The following ATP6V0A1 variants were observed in gnomAD, a reference collection of about 807,000 sequenced individuals.
ATP6V0A1 encodes the protein ATPase H+ transporting V0 subunit a1.
ATP6V0A1 carries 43 observed loss-of-function variants against 105.4 expected under a neutral mutation model. That is an observed-to-expected ratio of 0.41 (90% CI 0.32 to 0.53). The LOEUF (loss-of-function observed/expected upper bound fraction) is 0.53. Ranked by LOEUF, ATP6V0A1 falls within the 20% of genes least tolerant of loss-of-function variation. The pLI, the probability that ATP6V0A1 is intolerant of heterozygous loss-of-function variation, is 0.30. For missense variants in ATP6V0A1, 676 were observed against 1,051.1 expected, an observed-to-expected ratio of 0.64 and a Z score of 4.93; for synonymous variants, 362 against 372.8, an observed-to-expected ratio of 0.97 and a Z score of 0.33.
intron 20 of ATP6V0A1, 45 bp downstream of exon 20, chr17:42,514,023 G>C: frequency 3.8e-6 from 6 of 1,569,990 alleles, no homozygotes; most frequent in Non-Finnish European, 5.3e-6. Context: ...TTCCCCCTCT[G>C]TGGGCGCACT....
At position 42,514,393 on chromosome 17, in the gene ATP6V0A1, C is replaced by T. The variant is rs1202501707; in HGVS notation, c.2353C>T (p.Leu785=). Residue 785 remains leucine (L), a synonymous_variant, in exon 21 of 22, where the codon CTG becomes TTG. Coordinates refer to ENST00000343619, the MANE Select transcript of ATP6V0A1 (RefSeq NM_001130021.3). ...CTTCTTCTTCACTGCCTTTGCCACCCTGACCGTGGCCATCCTCCTGATCAT... is the reference window on the plus strand; with the variant it reads ...CTTCTTCTTCACTGCCTTTGCCACCTTGACCGTGGCCATCCTCCTGATCAT... ...LFFFFTAFAT[L]TVAILLIMEG... is the part of the protein sequence containing the mutation. 1 of 1,613,818 alleles carries T rather than the reference C, an allele frequency of 6.2e-7. No homozygotes were observed. The highest frequency in any genetic ancestry group is 8.5e-7 in the Non-Finnish European group (1 of 1,179,832).
intron 5 of ATP6V0A1, among the ~76,000 whole-genome samples, 185 bp from the exon 6 acceptor site, chr17:42,477,475 C>T (rs1433928494): frequency 6.6e-6 from 1 of 152,112 alleles, no homozygotes; most frequent in African/African-American, 2.4e-5. Context: ...AATTTATTTT[C>T]TGTGTTTTCA....
chr17:42,464,084 A>G (rs2086752516), intron 2 of ATP6V0A1, among the ~76,000 whole-genome samples: 1 of 152,206 alleles, frequency 6.6e-6, no homozygotes, highest in African/African-American at 2.4e-5. Flanking sequence ...CAGAGTTCAA[A>G]CCCACATTGT....
intron 17 of ATP6V0A1, among the ~76,000 whole-genome samples, chr17:42,503,941 A>G (rs527556757): frequency 2.0e-5 from 3 of 152,254 alleles, no homozygotes; most frequent in African/African-American, 7.2e-5. Context: ...CCTATTGTCA[A>G]TGTCCTTAAC....
At chr17:42,466,186 C>T (rs898824250) in intron 2 of ATP6V0A1, among the ~76,000 whole-genome samples, 3 of 152,070 alleles carry the variant, frequency 2.0e-5, no homozygotes, top group Admixed American at 6.6e-5. Flanking sequence ...ATTTTTGTAC[C>T]GTTGTGTTTT....
At chr17:42,481,987 G>A (rs986660074) in intron 8 of ATP6V0A1, among the ~76,000 whole-genome samples, 1 of 151,846 alleles carries the variant, frequency 6.6e-6, no homozygotes, top group African/African-American at 2.4e-5. Context: ...GACTGCAGAT[G>A]CGTGCCAGCA....
In ATP6V0A1 at chr17:42,470,125, A is replaced by G; in HGVS notation, c.330A>G (p.Glu110=). Residue 110 remains glutamate, a synonymous_variant, in exon 5 of 22, where the codon GAA becomes GAG. Transcript: ENST00000343619. ...AGAAGATTGAAAATGAACTGAAGGA[A>G]ATCAACACAAACCAGGAAGCTCTGA... The part of the protein sequence containing the change: ...NFEKIENELK[E]INTNQEALKR... The G allele has an allele frequency of 6.2e-7, 1 of 1,610,186 alleles. No homozygotes were observed. The highest frequency in any genetic ancestry group is 8.5e-7 in the Non-Finnish European group (1 of 1,177,694).
At chr17:42,503,401 T>TCC (rs2091826883) in intron 17 of ATP6V0A1, among the ~76,000 whole-genome samples, 1 of 152,208 alleles carries the variant, frequency 6.6e-6, no homozygotes, top group South Asian at 2.1e-4. Context: ...ACCTCACATG[T>TCC]CCTCAGCTGT....
At chr17:42,478,740 T>C (rs2089099453) in intron 7 of ATP6V0A1, 151 bp downstream of exon 7, 2 of 785,024 alleles carry the variant, frequency 2.5e-6, no homozygotes, top group East Asian at 3.6e-5. Context: ...GTACTTCCTC[T>C]TAGTTAATTC....
At chr17:42,491,750 T>C (rs907451431) in intron 11 of ATP6V0A1, among the ~76,000 whole-genome samples, 3 of 152,222 alleles carry the variant, frequency 2.0e-5, no homozygotes, top group Non-Finnish European at 4.4e-5. Context: ...CCCCAAGTGC[T>C]GGGATTACAG....
intron 21 of ATP6V0A1, chr17:42,520,144 G>A (rs2092779643): frequency 2.2e-5 from 6 of 276,032 alleles, no homozygotes; most frequent in African/African-American, 1.3e-4. Context: ...TCTTATAGGG[G>A]CTCCGGTGCC....
At chr17:42,490,842 C>T (rs1238034044) in intron 11 of ATP6V0A1, among the ~76,000 whole-genome samples, 1 of 152,100 alleles carries the variant, frequency 6.6e-6, no homozygotes, top group Non-Finnish European at 1.5e-5. Flanking sequence ...GCGCACAGCA[C>T]CACACCTGGC....
At chr17:42,478,437 T>C in intron 6 of ATP6V0A1, 26 bp from the exon 7 acceptor site, 1 of 1,561,226 alleles carries the variant, frequency 6.4e-7, no homozygotes, top group Non-Finnish European at 8.7e-7. Flanking sequence ...GGAATAGAGT[T>C]TCCAATCTGC....
chr17:42,515,473 A>AG, intron 21 of ATP6V0A1, among the ~76,000 whole-genome samples: 1 of 148,742 alleles, frequency 6.7e-6, no homozygotes, highest in East Asian at 2.0e-4. Context: ...TGTCTCAAAA[A>AG]AAAAAAAAAA....
chr17:42,500,330 A>T (rs541349635), intron 15 of ATP6V0A1, among the ~76,000 whole-genome samples: 23 of 152,240 alleles, frequency 1.5e-4, no homozygotes, highest in African/African-American at 5.3e-4. Flanking sequence ...AAATGTAAAA[A>T]TTAGCTGGGT....
chr17:42,508,639 C>G (rs2092172604), intron 19 of ATP6V0A1, 50 bp downstream of exon 19: 5 of 1,611,756 alleles, frequency 3.1e-6, no homozygotes, highest in Middle Eastern at 1.6e-4. Context: ...CTTCTCTCTT[C>G]CCATCCTTGT....
At chr17:42,475,106 T>C (rs2088554071) in intron 5 of ATP6V0A1, among the ~76,000 whole-genome samples, 2 of 152,232 alleles carry the variant, frequency 1.3e-5, no homozygotes, top group East Asian at 3.8e-4. Context: ...CCTTTCCTTC[T>C]CAGTTTTCCA....
chr17:42,490,492 C>T lies in ATP6V0A1; in HGVS notation c.1029C>T (p.His343=). ...AATGTGCTAATGTTTTTCAGGAACA[C>T]AGTGGTTCCACTGTACCTTCCATTT... The part of the protein sequence containing the change: ...IQFALRRGTE[H]SGSTVPSILN... Residue 343 remains histidine, a synonymous_variant, in exon 11 of 22, where the codon CAC becomes CAT. Coordinates refer to ENST00000343619, the MANE Select transcript of ATP6V0A1 (RefSeq NM_001130021.3). 1 of 1,596,248 alleles carries T rather than the reference C, an allele frequency of 6.3e-7. No individual in the cohort carries two copies. The highest frequency in any genetic ancestry group is 1.4e-5 in the African/African-American group (1 of 73,878).
rs1037619831 is a variant in ATP6V0A1, at chr17:42,466,579, C to T, written c.196+72C>T. The T allele has an allele frequency of 7.9e-6, 10 of 1,271,362 alleles. No individual in the cohort carries two copies. The Admixed American group carries it at 1.1e-4, about 15-fold the overall frequency. The allele number at this position is 1,271,362 out of a possible 1,614,324, so 78.8% of individuals were successfully genotyped here. A position where few individuals can be genotyped will look rare whatever the true frequency, so the allele number is the denominator to read the frequency against. On this transcript the variant is annotated intron_variant, in intron 3 of 21. Transcript: ENST00000343619. ...GTCTTAGATTAGTGACATTAGTCCTCTTAATAGAGGAAGAAAATGTTATAA... is the reference window on the plus strand; with the variant it reads ...GTCTTAGATTAGTGACATTAGTCCTTTTAATAGAGGAAGAAAATGTTATAA...
Sources: gnomAD v4.1 joint callset for allele counts (sites outside exome capture counted in the v4.1 genomes callset) on GRCh38, gnomAD v4.1.1 for gene constraint, MANE v1.5 for transcripts, NCBI Gene and HGNC (gene_info 2026-07-23, HGNC 2026-07-21) for gene names.